Variants in LRRC37A2 observed in about 807,000 individuals in gnomAD.
The protein encoded by LRRC37A2 is leucine-rich repeat-containing protein 37A2.
LRRC37A2 carries 9 observed loss-of-function variants against 68.8 expected under a neutral mutation model. The observed-to-expected ratio is 0.13, with a 90% CI of 0.08 to 0.23. The LOEUF is 0.23. LRRC37A2 is among the 10% of genes least tolerant of loss of function. The probability of loss-of-function intolerance (pLI) is 1.00; values close to 1 mark genes in which losing one functional copy is unlikely to be tolerated. For synonymous variants in LRRC37A2, 63 were observed against 367.6 expected, an observed-to-expected ratio of 0.17 and a Z score of 9.48; for missense variants, 168 against 950.4, an observed-to-expected ratio of 0.18 and a Z score of 10.82.
chr17:46,545,796 T>C (rs2056219714), intron 8 of LRRC37A2, among the ~76,000 whole-genome samples: 1 of 148,802 alleles, frequency 6.7e-6, no homozygotes, highest in Non-Finnish European at 1.5e-5. Flanking sequence ...AATGCAGTCT[T>C]TGTTATTTTT....
the LRRC37A2 span, chr17:46,923,819 T>G: frequency 1.0e-5 from 4 of 400,756 alleles, no homozygotes; most frequent in Non-Finnish European, 1.8e-5. Context: ...CTTGGTAGTG[T>G]CCTTTATTCG....
At chr17:46,972,227 G>T in the LRRC37A2 span, among the ~76,000 whole-genome samples, 4 of 152,114 alleles carry the variant, frequency 2.6e-5, no homozygotes, top group Non-Finnish European at 5.9e-5. Flanking sequence ...TGCTTCTCCC[G>T]CCACCCGCTT....
chr17:46,863,724 A>G, the LRRC37A2 span, among the ~76,000 whole-genome samples: 5 of 152,144 alleles, frequency 3.3e-5, no homozygotes, highest in African/African-American at 1.2e-4. Context: ...GGTCGGACCG[A>G]GTTAGACATG....
At chr17:46,978,800 T>A in the LRRC37A2 span, 2 of 1,611,320 alleles carry the variant, frequency 1.2e-6, no homozygotes, top group Middle Eastern at 1.6e-4. Flanking sequence ...AGCACGGCGA[T>A]CTGCGCCACC....
chr17:46,971,769 C>T, the LRRC37A2 span, among the ~76,000 whole-genome samples: 6 of 152,226 alleles, frequency 3.9e-5, no homozygotes, highest in Admixed American at 2.0e-4. Flanking sequence ...TCTCACGCCT[C>T]AAGCTCTGTG....
chr17:46,685,317 G>A, the LRRC37A2 span, among the ~76,000 whole-genome samples: 2,057 of 149,032 alleles, frequency 0.014, 37 homozygotes, highest in East Asian at 0.023. Context: ...TTTCCAGTTC[G>A]ATATTAATTA....
chr17:46,454,213 C>T, the LRRC37A2 span, among the ~76,000 whole-genome samples: 1 of 105,488 alleles, frequency 9.5e-6, no homozygotes, highest in Non-Finnish European at 2.1e-5. Flanking sequence ...TTTAAATTAG[C>T]TCAGCTATGA....
the LRRC37A2 span, among the ~76,000 whole-genome samples, chr17:46,942,436 G>A: frequency 2.0e-5 from 3 of 152,208 alleles, no homozygotes; most frequent in Non-Finnish European, 2.9e-5. Flanking sequence ...CCTCACAGGA[G>A]TCCGAGAGGA....
At chr17:46,912,155 G>C in the LRRC37A2 span, among the ~76,000 whole-genome samples, 2 of 152,130 alleles carry the variant, frequency 1.3e-5, no homozygotes, top group African/African-American at 4.8e-5. Context: ...CTGTCCCAAG[G>C]ATGTGCACAC....
chr17:46,851,583 A>G, the LRRC37A2 span: 2 of 996,272 alleles, frequency 2.0e-6, no homozygotes, highest in South Asian at 3.9e-5. This position sits in a 1 kb window ranked among gnomAD's most constrained non-coding sequence, Gnocchi z 4.3. Context: ...GTGGTGGCGG[A>G]GCTGCGAGCT....
the LRRC37A2 span, among the ~76,000 whole-genome samples, chr17:46,926,898 G>A: frequency 6.6e-6 from 1 of 152,180 alleles, no homozygotes; most frequent in East Asian, 1.9e-4. Flanking sequence ...CTCAGGGTAT[G>A]CCAGAACCTC....
chr17:46,882,163 T>A, the LRRC37A2 span, among the ~76,000 whole-genome samples: 496 of 152,206 alleles, frequency 3.3e-3, 2 homozygotes, highest in African/African-American at 0.011. Flanking sequence ...CTCTAAAAAA[T>A]TAAAATTAAA....
the LRRC37A2 span, among the ~76,000 whole-genome samples, chr17:47,036,285 C>T: frequency 2.6e-5 from 4 of 152,172 alleles, no homozygotes; most frequent in East Asian, 3.9e-4. Flanking sequence ...GGCTGTGTCC[C>T]TTTCATCTGT....
the LRRC37A2 span, chr17:46,713,072 A>C: frequency 6.6e-6 from 1 of 152,280 alleles, no homozygotes; most frequent in African/African-American, 2.4e-5. Context: ...GTAAATAATT[A>C]CATAGGCAAG....
chr17:46,713,239 A>G, the LRRC37A2 span: 1 of 152,438 alleles, frequency 6.6e-6, no homozygotes, highest in Non-Finnish European at 1.5e-5. Flanking sequence ...CATATGGGAG[A>G]AAGGAACAAT....
chr17:46,891,918 C>CTTTTTTTTTTTTTT, the LRRC37A2 span, among the ~76,000 whole-genome samples: 13 of 71,816 alleles, frequency 1.8e-4, no homozygotes, highest in Non-Finnish European at 2.5e-4. Flanking sequence ...CTTTTCTTTT[C>CTTTTTTTTTTTTTT]TTTTTTTTTT....
the LRRC37A2 span, among the ~76,000 whole-genome samples, chr17:46,568,892 G>A: frequency 7.7e-6 from 1 of 130,242 alleles, no homozygotes; most frequent in South Asian, 2.5e-4. Context: ...TGATCCAGAT[G>A]CAAACAAAGC....
chr17:46,923,309 C>G, the LRRC37A2 span: 1 of 1,545,844 alleles, frequency 6.5e-7, no homozygotes, highest in African/African-American at 1.4e-5. Context: ...GGACGTCAGC[C>G]AGGGTAGAGG....
chr17:46,610,166 A>G, the LRRC37A2 span, among the ~76,000 whole-genome samples: 2 of 90,326 alleles, frequency 2.2e-5, no homozygotes, highest in Non-Finnish European at 4.6e-5. Context: ...GGGTCTCACT[A>G]TATTGCCCAG....
Sources: allele counts gnomAD v4.1 joint callset (sites outside exome capture counted in the v4.1 genomes callset), GRCh38; gene constraint gnomAD v4.1.1; non-coding constraint Gnocchi (gnomAD v3.1); transcripts MANE v1.5; gene names NCBI Gene and HGNC (gene_info 2026-07-23, HGNC 2026-07-21).